LARP1B: variants seen among roughly 807,000 people sequenced by gnomAD.
LARP1B encodes la-related protein 1B.
A neutral mutation model predicts 114.2 loss-of-function variants in LARP1B; 76 were observed. That is an observed-to-expected ratio of 0.67 (90% CI 0.55 to 0.81). The LOEUF is 0.81. Ranked by LOEUF, LARP1B falls within the 30% of genes least tolerant of loss-of-function variation. The pLI is 0.00. For missense variants in LARP1B, 1,014 were observed against 1,075.8 expected (o/e 0.94, Z 0.80); for synonymous variants, 345 against 348.0 (o/e 0.99, Z 0.10).
Position 128,176,924 on chromosome 4 carries a change from G to A in LARP1B, c.1684+17G>A, listed in dbSNP as rs765576916. On this transcript the variant is annotated intron_variant, in intron 13 of 19. Transcript: ENST00000326639. Reference sequence around the variant, plus strand: ...CCAAGAAAGGTAACATCTGTGGTGGGTATTAAAGGGAGGCTATGATATCCT... The same window carrying A: ...CCAAGAAAGGTAACATCTGTGGTGGATATTAAAGGGAGGCTATGATATCCT... The A allele has an allele frequency of 6.8e-6, 11 of 1,611,148 alleles. No homozygotes were observed. Among genetic ancestry groups the A allele is most frequent in the African/African-American group, 1.3e-5 (1 of 74,886 alleles).
Position 128,211,441 on chromosome 4 carries a change from A to G in LARP1B, c.*1388A>G. 1.1e-6 allele frequency: 1 copy of G among 917,466 alleles called. No homozygotes were observed. The highest frequency in any genetic ancestry group is 1.3e-6 in the Non-Finnish European group (1 of 768,188). The allele number at this position is 917,466 out of a possible 1,614,324, so 56.8% of individuals were successfully genotyped here. ...GCTGTTAATTTGTAAATAGGTTTTCATTAAGTTATTTCTCATGATAAGTAA... is the reference window on the plus strand; with the variant it reads ...GCTGTTAATTTGTAAATAGGTTTTCGTTAAGTTATTTCTCATGATAAGTAA... On this transcript the variant is annotated 3_prime_UTR_variant, in exon 20 of 20. Transcript: ENST00000326639.
intron 19 of LARP1B, among the ~76,000 whole-genome samples, chr4:128,207,693 A>T (rs547539407): frequency 4.6e-5 from 7 of 152,246 alleles, no homozygotes; most frequent in Non-Finnish European, 7.3e-5. Flanking sequence ...GTCACTAGCA[A>T]TGTGAAAACT....
chr4:128,182,136 CAG>C (rs1287200858), intron 15 of LARP1B, among the ~76,000 whole-genome samples: 33 of 101,636 alleles, frequency 3.2e-4, no homozygotes, highest in Non-Finnish European at 3.8e-5. Flanking sequence ...TTTTTTGAGA[CAG>C]AGTCTCACTC....
intron 8 of LARP1B, among the ~76,000 whole-genome samples, chr4:128,102,362 A>G (rs1346621907): frequency 1.3e-5 from 2 of 152,220 alleles, no homozygotes; most frequent in Non-Finnish European, 2.9e-5. Flanking sequence ...TGTGTTAATG[A>G]AAGTATCTGG....
intron 9 of LARP1B, among the ~76,000 whole-genome samples, chr4:128,113,869 C>T (rs571699888): frequency 6.6e-6 from 1 of 150,830 alleles, no homozygotes; most frequent in Non-Finnish European, 1.5e-5. Context: ...TCACTGCAAC[C>T]TCCACCTCCC....
chr4:128,107,885 A>C, intron 9 of LARP1B: 2 of 1,535,924 alleles, frequency 1.3e-6, no homozygotes, highest in Non-Finnish European at 1.7e-6. Flanking sequence ...TTTTTCAGTC[A>C]GGGTGATGAT....
At chr4:128,064,794 G>A (rs77035425) in intron 1 of LARP1B, among the ~76,000 whole-genome samples, 4,051 of 152,242 alleles carry the variant, frequency 0.027, 166 homozygotes, top group African/African-American at 0.093. Context: ...CTCCCTGGGA[G>A]GCTGAGGCAG....
In LARP1B at chr4:128,091,010, G is replaced by T; in HGVS notation, c.368G>T (p.Arg123Leu). 1 of 1,606,764 alleles carries T rather than the reference G, an allele frequency of 6.2e-7. No homozygotes were observed. The highest frequency in any genetic ancestry group is 1.1e-5 in the South Asian group (1 of 89,826). Residue 123 changes from arginine (R) to leucine (L), a missense_variant, in exon 6 of 20, where the codon CGA becomes CTA. Physicochemically the swap from Arg to Leu is moderately radical, Grantham distance 102. Transcript: ENST00000326639. The part of the protein sequence containing the change: ...NRRNDTRSWK[R>L]DREKRDDQDD... Reference sequence around the variant, plus strand: ...TTTTTATTTTTAAAAGGTTGGAAGCGAGATAGAGAAAAAAGGGATGATCAA... The same window carrying T: ...TTTTTATTTTTAAAAGGTTGGAAGCTAGATAGAGAAAAAAGGGATGATCAA...
intron 12 of LARP1B, among the ~76,000 whole-genome samples, chr4:128,172,108 C>A (rs1445409285): frequency 6.6e-6 from 1 of 151,984 alleles, no homozygotes; most frequent in Non-Finnish European, 1.5e-5. Flanking sequence ...CTCTCCTAGA[C>A]CTTTTGTTGT....
intron 11 of LARP1B, among the ~76,000 whole-genome samples, chr4:128,139,989 GC>G (rs1245052949): frequency 6.6e-6 from 1 of 152,130 alleles, no homozygotes; most frequent in African/African-American, 2.4e-5. Context: ...TAGTTATTGA[GC>G]CCTTGAAATG....
Position 128,133,454 on chromosome 4 carries a change from A to G in LARP1B, c.1524+11266A>G, listed in dbSNP as rs1792194163. Among the ~76,000 whole-genome samples the G allele has an allele frequency of 2.0e-5, 3 of 152,242 alleles. No homozygotes were observed. In the South Asian group the frequency reaches 6.2e-4, roughly 32 times the overall value. On this transcript the variant is annotated intron_variant, in intron 11 of 19. Transcript: ENST00000326639. ...CCAAAGTATCTACAGCTTCAGTGCAATGCCTATGAAAATCCCAATGGCATT... is the reference window on the plus strand; with the variant it reads ...CCAAAGTATCTACAGCTTCAGTGCAGTGCCTATGAAAATCCCAATGGCATT...
intron 9 of LARP1B, among the ~76,000 whole-genome samples, chr4:128,109,195 G>T (rs1783127672): frequency 6.6e-6 from 1 of 152,102 alleles, no homozygotes; most frequent in South Asian, 2.1e-4. Context: ...TAAGTCAATG[G>T]AGAGTAGTAT....
intron 17 of LARP1B, among the ~76,000 whole-genome samples, chr4:128,204,002 C>T (rs1441359130): frequency 6.6e-6 from 1 of 152,178 alleles, no homozygotes; most frequent in Non-Finnish European, 1.5e-5. Context: ...CTTTGTCCTT[C>T]ACTCCAGCAG....
At position 128,108,214 on chromosome 4, in the gene LARP1B, C is replaced by T. The variant is rs1286719369; in HGVS notation, c.988+901C>T. On this transcript the variant is annotated intron_variant, in intron 9 of 19. Coordinates refer to ENST00000326639, the MANE Select transcript of LARP1B (RefSeq NM_018078.4). ...GGTGGGAAAGTTAATTATTATTATT[C>T]TGGAAATACCGCAAGATTATGTTTT... 2.5e-6 allele frequency: 3 copies of T among 1,182,614 alleles called. No individual in the cohort carries two copies. The African/African-American group carries it at 4.7e-5, about 19-fold the overall frequency. 73.3% of individuals were successfully genotyped at this position (1,182,614 alleles called of 1,614,324 possible). A position where few individuals can be genotyped will look rare whatever the true frequency, so the allele number is the denominator to read the frequency against.
intron 1 of LARP1B, chr4:128,061,952 C>T: frequency 1.0e-6 from 1 of 985,192 alleles, no homozygotes; most frequent in Non-Finnish European, 1.2e-6. Context: ...GCCCCTGGCG[C>T]TGCACCTGGC....
chr4:128,208,093 C>T (rs1441463325), intron 19 of LARP1B, among the ~76,000 whole-genome samples: 3 of 151,980 alleles, frequency 2.0e-5, no homozygotes, highest in Admixed American at 6.6e-5. Context: ...TTTGGGAGGC[C>T]GAGGCGGGTG....
intron 15 of LARP1B, among the ~76,000 whole-genome samples, chr4:128,182,111 C>CTTTTTTTT (rs35344280): frequency 8.8e-6 from 1 of 113,188 alleles, no homozygotes. Context: ...TGCACCCGGC[C>CTTTTTTTT]TTTTTTTTTT....
At chr4:128,079,635 C>T (rs1028745540) in intron 4 of LARP1B, among the ~76,000 whole-genome samples, 2 of 152,074 alleles carry the variant, frequency 1.3e-5, no homozygotes, top group African/African-American at 4.8e-5. Flanking sequence ...ATGCTCGTGG[C>T]CCACTGCAGC....
At chr4:128,167,388 G>A (rs748663960) in intron 12 of LARP1B, among the ~76,000 whole-genome samples, 1 of 151,830 alleles carries the variant, frequency 6.6e-6, no homozygotes, top group Non-Finnish European at 1.5e-5. Flanking sequence ...CTCTAATCAG[G>A]TCTTTTGCCC....
Sources: allele counts gnomAD v4.1 joint callset (sites outside exome capture counted in the v4.1 genomes callset), GRCh38; gene constraint gnomAD v4.1.1; transcripts MANE v1.5; gene names NCBI Gene and HGNC (gene_info 2026-07-23, HGNC 2026-07-21).